Variants in BBS4 observed in about 807,000 individuals in gnomAD.
BBS4 encodes Bardet-Biedl syndrome 4.
In BBS4, 58 loss-of-function variants were observed where a neutral mutation model predicts 71.4. That is an observed-to-expected ratio of 0.81 (90% CI 0.66 to 1.01). The LOEUF is 1.01. Among genes scored for constraint, BBS4 ranks in the 50% least tolerant of loss-of-function variants. The pLI is 0.00. For synonymous variants in BBS4, 228 were observed against 216.8 expected (o/e 1.05, Z -0.46); for missense variants, 660 against 607.9 (o/e 1.09, Z -0.90).
At chr15:72,691,365 C>T (rs80105633) in intron 1 of BBS4, among the ~76,000 whole-genome samples, 6,675 of 152,170 alleles carry the variant, frequency 0.044, 482 homozygotes, top group African/African-American at 0.15. Flanking sequence ...GTTCCTACTG[C>T]CCAGGTTAGG....
At chr15:72,698,957 TCA>T (rs2151002147) in intron 2 of BBS4, among the ~76,000 whole-genome samples, 1 of 152,316 alleles carries the variant, frequency 6.6e-6, no homozygotes, top group South Asian at 2.1e-4. Context: ...GAAACCACTG[TCA>T]CAGTCTTTGA....
At chr15:72,689,450 A>G (rs558590119) in intron 1 of BBS4, among the ~76,000 whole-genome samples, 1 of 152,352 alleles carries the variant, frequency 6.6e-6, no homozygotes, top group East Asian at 1.9e-4. Flanking sequence ...ATGAGCAAAC[A>G]GGCTGTACTT....
At chr15:72,706,998 T>C (rs1188410410) in intron 2 of BBS4, among the ~76,000 whole-genome samples, 1 of 151,958 alleles carries the variant, frequency 6.6e-6, no homozygotes, top group East Asian at 1.9e-4. Flanking sequence ...TTAATTTTTG[T>C]GTTCAGGCAA....
chr15:72,728,562 G>C (rs748519218), intron 9 of BBS4, among the ~76,000 whole-genome samples: 6 of 152,120 alleles, frequency 3.9e-5, no homozygotes, highest in Non-Finnish European at 7.4e-5. Flanking sequence ...CTCTGGTCTT[G>C]GAGGCTGTTA....
At chr15:72,736,464 T>C (rs1208589098) in intron 14 of BBS4, among the ~76,000 whole-genome samples, 2 of 152,034 alleles carry the variant, frequency 1.3e-5, no homozygotes, top group Non-Finnish European at 2.9e-5. Flanking sequence ...ATGGTCTTGA[T>C]CTCTTGACCT....
chr15:72,702,968 C>T (rs576211104), intron 2 of BBS4, among the ~76,000 whole-genome samples: 9 of 140,994 alleles, frequency 6.4e-5, no homozygotes, highest in Non-Finnish European at 9.3e-5. Context: ...CCACTACGCC[C>T]GGCTAATTTT....
At chr15:72,729,161 CT>C (rs71137313) in intron 9 of BBS4, among the ~76,000 whole-genome samples, 1,149 of 69,986 alleles carry the variant, frequency 0.016, 13 homozygotes, top group African/African-American at 0.028. Context: ...ACTGTAGCTG[CT>C]TTTTTTTTTT....
chr15:72,719,074 T>G (rs564805653), intron 6 of BBS4, among the ~76,000 whole-genome samples: 2 of 151,874 alleles, frequency 1.3e-5, no homozygotes, highest in African/African-American at 2.4e-5. Flanking sequence ...ACTTTTTTTT[T>G]GTCTGTTTGA....
intron 6 of BBS4, 59 bp from the exon 7 acceptor site, chr15:72,722,735 C>T: frequency 1.3e-6 from 2 of 1,486,540 alleles, no homozygotes; most frequent in Non-Finnish European, 1.9e-6. Context: ...TGTTGTTTCA[C>T]TCTAATACTT....
chr15:72,716,688 C>A, intron 5 of BBS4, 90 bp from the exon 6 acceptor site: 1 of 1,004,878 alleles, frequency 1.0e-6, no homozygotes, highest in South Asian at 1.4e-5. Context: ...GAATTCTCTG[C>A]TGGATGAAAT....
intron 2 of BBS4, among the ~76,000 whole-genome samples, chr15:72,708,900 C>CTCTCAAACCCTGTTTTCTGT: frequency 6.6e-6 from 1 of 152,170 alleles, no homozygotes; most frequent in Non-Finnish European, 1.5e-5. Context: ...CAGTTTTCTG[C>CTCTCAAACCCTGTTTTCTGT]TCTCAAACCC....
At chr15:72,726,775 A>T (rs1169263483) in intron 8 of BBS4, among the ~76,000 whole-genome samples, 1 of 152,224 alleles carries the variant, frequency 6.6e-6, no homozygotes, top group Admixed American at 6.5e-5. Context: ...GGTGCTAGGT[A>T]GTAGCCCTGA....
At chr15:72,717,690 T>C (rs2065492014) in intron 6 of BBS4, among the ~76,000 whole-genome samples, 1 of 152,200 alleles carries the variant, frequency 6.6e-6, no homozygotes, top group Non-Finnish European at 1.5e-5. Context: ...AAATTAGGGT[T>C]CTTTTAGTAA....
chr15:72,737,390 G>A (rs1938491027), intron 15 of BBS4, 88 bp from the exon 16 acceptor site: 3 of 1,133,892 alleles, frequency 2.6e-6, no homozygotes, highest in South Asian at 1.3e-5. Flanking sequence ...GAAAATATGG[G>A]GTTTCCTCTT....
chr15:72,735,367 ACT>A lies in BBS4; in HGVS notation c.1106+188_1106+189del, dbSNP rs752472970. The stretch of plus-strand genomic sequence containing the variant: ...ATGTGGTGGCTCAGCAGGAATTGAC[ACT>A]CTGAGAAAATGTTTCCAGTCCTAAA... On this transcript the variant is annotated intron_variant, in intron 13 of 15. Coordinates refer to ENST00000268057, the MANE Select transcript of BBS4 (RefSeq NM_033028.5). 2.0e-4 allele frequency: 127 copies of A among 635,164 alleles called. 2 individuals carry two copies. Among genetic ancestry groups the A allele is most frequent in the Middle Eastern group, 8.6e-4 (2 of 2,326 alleles). The allele number at this position is 635,164 out of a possible 1,614,324, so 39.3% of individuals were successfully genotyped here.
chr15:72,720,099 A>T, intron 6 of BBS4, among the ~76,000 whole-genome samples: 1 of 144,078 alleles, frequency 6.9e-6, no homozygotes, highest in African/African-American at 2.6e-5. Flanking sequence ...TGGCATTTTT[A>T]TTTTCTTTTT....
intron 12 of BBS4, among the ~76,000 whole-genome samples, chr15:72,732,870 G>A (rs1055888453): frequency 2.8e-4 from 42 of 152,156 alleles, no homozygotes; most frequent in African/African-American, 1.0e-3. Context: ...GGGCAAGACC[G>A]GGAAAGCAGG....
chr15:72,700,026 G>A (rs1339822716), intron 2 of BBS4, among the ~76,000 whole-genome samples: 3 of 152,108 alleles, frequency 2.0e-5, no homozygotes, highest in African/African-American at 7.2e-5. Context: ...TGTAACCTCC[G>A]CCTCCTGGGT....
intron 7 of BBS4, among the ~76,000 whole-genome samples, chr15:72,723,166 A>T (rs2065607191): frequency 6.6e-6 from 1 of 152,160 alleles, no homozygotes; most frequent in Non-Finnish European, 1.5e-5. Flanking sequence ...CAAAAAGTGG[A>T]CCCTTAAGTC....
Sources: gnomAD v4.1 joint callset for allele counts (sites outside exome capture counted in the v4.1 genomes callset) on GRCh38, gnomAD v4.1.1 for gene constraint, MANE v1.5 for transcripts, NCBI Gene and HGNC (gene_info 2026-07-23, HGNC 2026-07-21) for gene names.